Variants in PCDHA4 observed in about 807,000 individuals in gnomAD.
PCDHA4 encodes the protein protocadherin alpha-4.
Under a neutral mutation model 61.4 loss-of-function variants are expected in PCDHA4, and 49 were observed. The observed-to-expected ratio is 0.80, with a 90% CI of 0.63 to 1.01. The LOEUF (loss-of-function observed/expected upper bound fraction) is 1.01. Ranked by LOEUF, PCDHA4 falls within the 50% of genes least tolerant of loss-of-function variation. The pLI is 0.00. For missense variants in PCDHA4, 1,254 were observed against 1,235.8 expected (o/e 1.01, Z -0.22); for synonymous variants, 590 against 550.3 (o/e 1.07, Z -1.01).
chr5:140,860,471 C>T (rs566732753), intron 1 of PCDHA4: 1 of 152,040 alleles, frequency 6.6e-6, no homozygotes, highest in Admixed American at 6.6e-5. Context: ...ACAGTTGGTG[C>T]AGTAGTACTT....
intron 1 of PCDHA4, chr5:140,967,037 G>C (rs1429896772): frequency 2.5e-6 from 4 of 1,611,378 alleles, no homozygotes; most frequent in South Asian, 1.1e-5. Flanking sequence ...GCGCTACCTG[G>C]AGCTGGACCT....
intron 1 of PCDHA4, among the ~76,000 whole-genome samples, chr5:140,971,015 G>C (rs1425390222): frequency 6.6e-6 from 1 of 152,228 alleles, no homozygotes; most frequent in Non-Finnish European, 1.5e-5. Flanking sequence ...GAAGTCTTTA[G>C]ATCGTAGCAT....
intron 1 of PCDHA4, among the ~76,000 whole-genome samples, chr5:140,954,835 A>G (rs1256515583): frequency 1.3e-5 from 2 of 152,146 alleles, no homozygotes; most frequent in Admixed American, 6.5e-5. Flanking sequence ...TTTTGTCATG[A>G]AATCTTTGCC....
chr5:140,966,727 C>T (rs1330950109), intron 1 of PCDHA4: 4 of 1,405,404 alleles, frequency 2.8e-6, no homozygotes, highest in East Asian at 2.8e-5. Context: ...AAGCTGCCGC[C>T]TCCGGCCCTG....
intron 1 of PCDHA4, chr5:140,862,344 G>C (rs1303625702): frequency 3.0e-6 from 1 of 333,098 alleles, no homozygotes; most frequent in Non-Finnish European, 5.9e-6. Flanking sequence ...CCTAACTTCA[G>C]TGCCAAGGGA....
At position 140,869,660 on chromosome 5, in the gene PCDHA4, G is replaced by T. The variant is rs782182212; in HGVS notation, c.2385+60088G>T. On this transcript the variant is annotated intron_variant, in intron 1 of 3. Coordinates refer to ENST00000530339, the MANE Select transcript of PCDHA4 (RefSeq NM_018907.4). ...TTTTCTTTAGATTCACCAACAAATG[G>T]TAAGCAGATTAAAAGACTGTCACTT... is the stretch of plus-strand genomic sequence containing the variant. 7 of 1,613,392 alleles carry T rather than the reference G, an allele frequency of 4.3e-6. No individual in the cohort carries two copies. The Admixed American group carries it at 1.2e-4, about 27-fold the overall frequency.
At chr5:140,847,479 A>G (rs1229726594) in intron 1 of PCDHA4, 1 of 149,940 alleles carries the variant, frequency 6.7e-6, no homozygotes, top group East Asian at 1.9e-4. Flanking sequence ...ACGTTGGAAT[A>G]AGATAGTAAA....
chr5:140,926,537 T>G, intron 1 of PCDHA4: 10 of 211,562 alleles, frequency 4.7e-5, no homozygotes, highest in Non-Finnish European at 7.4e-5. Flanking sequence ...GCAGCCAGCG[T>G]GGTGGTCGAG....
chr5:140,831,281 C>T (rs1312764536), intron 1 of PCDHA4: 1 of 152,158 alleles, frequency 6.6e-6, no homozygotes, highest in Admixed American at 6.6e-5. Context: ...ATGGTCTTCT[C>T]TTCATGGAGT....
chr5:140,825,780 A>C (rs1409625952), intron 1 of PCDHA4: 3 of 152,454 alleles, frequency 2.0e-5, no homozygotes, highest in African/African-American at 7.2e-5. Context: ...AAATTCTACT[A>C]TATTTTGGTT....
intron 1 of PCDHA4, chr5:140,863,111 C>T (rs782266273): frequency 1.2e-5 from 7 of 585,488 alleles, no homozygotes; most frequent in Non-Finnish European, 1.7e-5. Context: ...CTGGACGAGG[C>T]GAAAGCTACG....
intron 1 of PCDHA4, chr5:140,884,505 G>A: frequency 6.2e-7 from 1 of 1,614,170 alleles, no homozygotes. Context: ...AGCGCGGCAG[G>A]GAGTTGGTCG....
intron 1 of PCDHA4, chr5:140,851,974 CT>C (rs1190115566): frequency 2.0e-6 from 2 of 976,536 alleles, no homozygotes; most frequent in African/African-American, 3.5e-5. Context: ...CACACTCTAC[CT>C]TTAGTGCAAG....
intron 1 of PCDHA4, chr5:140,875,905 T>C (rs1554168057): frequency 2.0e-5 from 32 of 1,614,104 alleles, no homozygotes; most frequent in Non-Finnish European, 1.6e-5. Flanking sequence ...TGTTTCTGAA[T>C]CTGCGCCTCT....
At chr5:140,850,426 G>T (rs2150483795) in intron 1 of PCDHA4, 2 of 1,597,836 alleles carry the variant, frequency 1.3e-6, no homozygotes, top group Non-Finnish European at 1.7e-6. Flanking sequence ...GACGCACCGC[G>T]CCAGCGCCTA....
chr5:140,928,623 A>G (rs1554206072), intron 1 of PCDHA4: 1 of 1,614,210 alleles, frequency 6.2e-7, no homozygotes, highest in African/African-American at 1.3e-5. Flanking sequence ...CCAGGACTGG[A>G]CACTTGGTCA....
At chr5:140,934,151 A>G (rs1478465122) in intron 1 of PCDHA4, among the ~76,000 whole-genome samples, 3 of 152,088 alleles carry the variant, frequency 2.0e-5, no homozygotes, top group African/African-American at 7.2e-5. Context: ...TTATATGTTT[A>G]TATTTCAGTG....
At chr5:140,949,584 A>T (rs1313706016) in intron 1 of PCDHA4, among the ~76,000 whole-genome samples, 5 of 151,722 alleles carry the variant, frequency 3.3e-5, no homozygotes, top group Admixed American at 6.6e-5. Context: ...CTTTTGTGTG[A>T]TATTAATGTG....
At chr5:140,885,685 A>G (rs2060694021) in intron 1 of PCDHA4, among the ~76,000 whole-genome samples, 1 of 152,198 alleles carries the variant, frequency 6.6e-6, no homozygotes, top group African/African-American at 2.4e-5. Flanking sequence ...TATCTCAAGA[A>G]GCAATAGTGG....
Sources: allele counts gnomAD v4.1 joint callset (sites outside exome capture counted in the v4.1 genomes callset), GRCh38; gene constraint gnomAD v4.1.1; transcripts MANE v1.5; gene names NCBI Gene and HGNC (gene_info 2026-07-23, HGNC 2026-07-21).